SLC16A9: variants seen among roughly 807,000 people sequenced by gnomAD.
SLC16A9 encodes the protein solute carrier family 16 member 9, also known as monocarboxylate transporter 9.
Under a neutral mutation model 44.3 loss-of-function variants are expected in SLC16A9, and 26 were observed. The observed-to-expected ratio is 0.59, with a 90% CI of 0.43 to 0.81. The LOEUF (loss-of-function observed/expected upper bound fraction) is 0.81. Ranked by LOEUF, SLC16A9 falls within the 40% of genes least tolerant of loss-of-function variation. The pLI, the probability that SLC16A9 is intolerant of heterozygous loss-of-function variation, is 0.00. For missense variants in SLC16A9, 559 were observed against 595.8 expected, an observed-to-expected ratio of 0.94 and a Z score of 0.64; for synonymous variants, 230 against 225.1, an observed-to-expected ratio of 1.02 and a Z score of -0.19.
intron 5 of SLC16A9, 98 bp from the exon 6 acceptor site, chr10:59,653,048 G>T (rs1186618181): frequency 2.4e-6 from 2 of 825,926 alleles, no homozygotes; most frequent in South Asian, 2.4e-5. Flanking sequence ...GTTATAATTA[G>T]TATATATATT....
intron 3 of SLC16A9, among the ~76,000 whole-genome samples, chr10:59,665,785 G>A (rs1052529904): frequency 6.6e-6 from 1 of 152,082 alleles, no homozygotes; most frequent in Non-Finnish European, 1.5e-5. Context: ...TGTCAGAGCT[G>A]TGTCAAAGGT....
At chr10:59,662,367 T>A (rs1588965164) in intron 4 of SLC16A9, among the ~76,000 whole-genome samples, 1 of 151,214 alleles carries the variant, frequency 6.6e-6, no homozygotes, top group Non-Finnish European at 1.5e-5. Context: ...CCAGGCACAG[T>A]GGCTCACACC....
At chr10:59,696,634 GC>G (rs1840383898) in intron 1 of SLC16A9, among the ~76,000 whole-genome samples, 1 of 150,366 alleles carries the variant, frequency 6.7e-6, no homozygotes, top group Non-Finnish European at 1.5e-5. Flanking sequence ...TCTCTGCCCG[GC>G]CGCCATCCCA....
chr10:59,664,340 T>C lies in SLC16A9; in HGVS notation c.341-18A>G. ...TCCAAGACCTAAGCATGAGAAGACA[T>C]TGCATAAATTAAGACGCTGCATTAC... On this transcript the variant is annotated intron_variant, in intron 3 of 5. Coordinates refer to ENST00000395348, the MANE Select transcript of SLC16A9 (RefSeq NM_194298.3). The C allele has an allele frequency of 6.4e-7, 1 of 1,553,722 alleles. No individual in the cohort carries two copies. The highest frequency in any genetic ancestry group is 8.8e-7 in the Non-Finnish European group (1 of 1,131,506).
intron 1 of SLC16A9, among the ~76,000 whole-genome samples, chr10:59,706,920 G>T: frequency 2.7e-5 from 4 of 147,612 alleles, no homozygotes; most frequent in Non-Finnish European, 1.5e-5. Context: ...GTTGCAGTAA[G>T]CCAAGATTGA....
chr10:59,683,281 C>T (rs1840062652), intron 2 of SLC16A9, among the ~76,000 whole-genome samples: 1 of 152,080 alleles, frequency 6.6e-6, no homozygotes, highest in Non-Finnish European at 1.5e-5. Context: ...ATAATGGTCA[C>T]TAAATATTAC....
At chr10:59,689,536 G>A (rs1319413663) in intron 1 of SLC16A9, among the ~76,000 whole-genome samples, 8 of 152,108 alleles carry the variant, frequency 5.3e-5, no homozygotes, top group Non-Finnish European at 1.2e-4. Context: ...TGCTATATAA[G>A]GAAAGGAAAA....
At position 59,654,549 on chromosome 10, in the gene SLC16A9, CCTCTGCAGAGCAG is replaced by C. The variant is rs1564694535; in HGVS notation, c.464_476del (p.Ala155GlyfsTer14). The stretch of plus-strand genomic sequence containing the variant: ...CCAGTCCATAGAACTCAACCAGCAT[CCTCTGCAGAGCAG>C]CATATATGAAAAGGCCAACGCTTGA... On this transcript the variant is annotated frameshift_variant, in exon 5 of 6. Coordinates refer to ENST00000395348, the MANE Select transcript of SLC16A9 (RefSeq NM_194298.3). LOFTEE classifies it high-confidence loss of function. 3.1e-6 allele frequency: 5 copies of C among 1,605,010 alleles called. No individual in the cohort carries two copies. Among genetic ancestry groups the C allele is most frequent in the Non-Finnish European group, 3.4e-6 (4 of 1,179,550 alleles).
intron 1 of SLC16A9, among the ~76,000 whole-genome samples, chr10:59,685,977 C>CTTT (rs11313249): frequency 7.1e-6 from 1 of 140,944 alleles, no homozygotes; most frequent in Non-Finnish European, 1.5e-5. Flanking sequence ...GCATTTCTTT[C>CTTT]TTTTTTTTTT....
At chr10:59,655,308 C>A (rs1316991527) in intron 4 of SLC16A9, among the ~76,000 whole-genome samples, 1 of 152,000 alleles carries the variant, frequency 6.6e-6, no homozygotes, top group Non-Finnish European at 1.5e-5. Flanking sequence ...AACAAACAAA[C>A]AAAAAAACCC....
At position 59,651,978 on chromosome 10, in the gene SLC16A9, T is replaced by C. The variant is rs1051309858; in HGVS notation, c.*794A>G. 1 of 152,106 alleles carries C rather than the reference T, an allele frequency of 6.6e-6. No individual in the cohort carries two copies. Among genetic ancestry groups the C allele is most frequent in the African/African-American group, 2.4e-5 (1 of 41,418 alleles). The allele number at this position is 152,106 out of a possible 1,614,324, so 9.4% of individuals were successfully genotyped here. ...GTTTCCAATTTGGAAACAGGTAAAA[T>C]TAGCACTTCCCAGGAAACATCAGCT... On this transcript the variant is annotated 3_prime_UTR_variant, in exon 6 of 6. Transcript: ENST00000395348.
chr10:59,709,055 G>T (rs1348658472), intron 1 of SLC16A9, among the ~76,000 whole-genome samples: 1 of 152,206 alleles, frequency 6.6e-6, no homozygotes, highest in East Asian at 1.9e-4. Context: ...GACCAAGGCA[G>T]TTGGAGGCCT....
chr10:59,696,698 G>C (rs998930383), intron 1 of SLC16A9, among the ~76,000 whole-genome samples: 1 of 151,186 alleles, frequency 6.6e-6, no homozygotes, highest in African/African-American at 2.4e-5. Context: ...GAGATGTGGG[G>C]AGCACCTCTG....
Position 59,654,478 on chromosome 10 carries a change from G to T in SLC16A9, c.548C>A (p.Ala183Asp). ...IVGALALNIL[A>D]CGSLMRPLQS... ...GAGGGGTCTCATCAGACTGCCACAG[G>T]CTAATATATTTAAAGCTAAAGCACC... The change falls in exon 5 of 6, where the codon GCC (alanine) becomes GAC (aspartate). Residue 183 changes from alanine to aspartate, a missense_variant. By Grantham distance (126) the Ala-to-Asp change is moderately radical. Transcript: ENST00000395348. The T allele has an allele frequency of 6.2e-7, 1 of 1,612,624 alleles. No individual in the cohort carries two copies. The highest frequency in any genetic ancestry group is 8.5e-7 in the Non-Finnish European group (1 of 1,180,032).
At chr10:59,669,277 T>C (rs11006680) in intron 3 of SLC16A9, among the ~76,000 whole-genome samples, 4,494 of 152,258 alleles carry the variant, frequency 0.03, 208 homozygotes, top group African/African-American at 0.1. Context: ...TTTTCATCTC[T>C]CACTGTATTG....
chr10:59,684,027 A>G (rs1840076942), intron 2 of SLC16A9, 69 bp downstream of exon 2: 2 of 1,308,524 alleles, frequency 1.5e-6, no homozygotes, highest in Non-Finnish European at 2.1e-6. Flanking sequence ...GCCTTGCACA[A>G]TGTTCATGAT....
chr10:59,687,476 A>G (rs1753666250), intron 1 of SLC16A9, among the ~76,000 whole-genome samples: 1 of 152,240 alleles, frequency 6.6e-6, no homozygotes. Flanking sequence ...TTCCCTTTAT[A>G]ACTCTTAATA....
chr10:59,655,010 G>A (rs980705280), intron 4 of SLC16A9, among the ~76,000 whole-genome samples: 15 of 152,148 alleles, frequency 9.9e-5, no homozygotes, highest in Non-Finnish European at 2.1e-4. Flanking sequence ...AAGTATCATC[G>A]GCTGGGTGTG....
At chr10:59,673,551 T>C (rs1839797593) in intron 2 of SLC16A9, among the ~76,000 whole-genome samples, 1 of 152,214 alleles carries the variant, frequency 6.6e-6, no homozygotes, top group African/African-American at 2.4e-5. Flanking sequence ...TTCAAGTCAA[T>C]GGTAGAAGAA....
Sources: allele counts gnomAD v4.1 joint callset (sites outside exome capture counted in the v4.1 genomes callset), GRCh38; gene constraint gnomAD v4.1.1; transcripts MANE v1.5; gene names NCBI Gene and HGNC (gene_info 2026-07-23, HGNC 2026-07-21).